CASQ2: variants seen among roughly 807,000 people sequenced by gnomAD.
CASQ2 encodes the protein calsequestrin 2.
Under a neutral mutation model 46.5 loss-of-function variants are expected in CASQ2, and 49 were observed. The ratio of observed to expected loss-of-function variants is 1.05; its 90% confidence interval spans 0.84 to 1.34. The LOEUF (loss-of-function observed/expected upper bound fraction) is 1.34. CASQ2 is among the 40% of genes most tolerant of loss of function. The pLI, the probability that CASQ2 is intolerant of heterozygous loss-of-function variation, is 0.00. For synonymous variants in CASQ2, 174 were observed against 168.5 expected (o/e 1.03, Z -0.25); for missense variants, 486 against 481.3 (o/e 1.01, Z -0.09).
intron 1 of CASQ2, among the ~76,000 whole-genome samples, chr1:115,756,635 C>T (rs758190589): frequency 3.9e-5 from 6 of 152,260 alleles, no homozygotes; most frequent in South Asian, 2.1e-4. Context: ...TGGTATCTCA[C>T]GTCCCCGTTT....
chr1:115,701,916 C>A (rs1182817403), intron 10 of CASQ2, among the ~76,000 whole-genome samples: 1 of 148,008 alleles, frequency 6.8e-6, no homozygotes, highest in Non-Finnish European at 1.5e-5. Flanking sequence ...CTAACTGGCC[C>A]CCATTCTTTT....
In CASQ2 at chr1:115,715,280, G is replaced by A. The variant is rs532835163; in HGVS notation, c.838+2560C>T. Among the ~76,000 whole-genome samples the A allele has an allele frequency of 5.9e-5, 9 of 152,316 alleles. No individual in the cohort carries two copies. The East Asian group carries it at 1.5e-3, about 26-fold the overall frequency. ...CCACACTAGCTTTTTCTTGAGAGGT[G>A]GAGACAAGGGCTAGATCATGTTGAA... On this transcript the variant is annotated intron_variant, in intron 8 of 10. Coordinates refer to ENST00000261448, the MANE Select transcript of CASQ2 (RefSeq NM_001232.4).
chr1:115,740,671 C>T, intron 3 of CASQ2, 57 bp downstream of exon 3: 1 of 1,093,780 alleles, frequency 9.1e-7, no homozygotes, highest in Non-Finnish European at 1.4e-6. Flanking sequence ...GGTTCTATCT[C>T]TCCCTATATT....
chr1:115,766,148 C>G (rs1649126472), intron 1 of CASQ2, among the ~76,000 whole-genome samples: 1 of 152,198 alleles, frequency 6.6e-6, no homozygotes, highest in African/African-American at 2.4e-5. Context: ...TGGTGTACAG[C>G]TGGCATCATC....
intron 1 of CASQ2, among the ~76,000 whole-genome samples, chr1:115,749,547 G>T (rs1648503601): frequency 6.6e-6 from 1 of 152,140 alleles, no homozygotes; most frequent in African/African-American, 2.4e-5. Context: ...GGCACCCTTA[G>T]GCAAAATCCC....
At chr1:115,756,656 A>T (rs1025857982) in intron 1 of CASQ2, among the ~76,000 whole-genome samples, 3 of 152,108 alleles carry the variant, frequency 2.0e-5, no homozygotes, top group Non-Finnish European at 2.9e-5. Flanking sequence ...TAAAATTTAT[A>T]ACTTTGGGGG....
intron 8 of CASQ2, among the ~76,000 whole-genome samples, chr1:115,706,155 TGTGTGTATGTGTGTGC>T (rs1462575574): frequency 2.0e-5 from 3 of 149,540 alleles, no homozygotes; most frequent in Non-Finnish European, 4.5e-5. Context: ...TGTGCGTGCG[TGTGTGTATGTGTGTGC>T]GTGCGTGTGT....
chr1:115,760,515 G>A lies in CASQ2; in HGVS notation c.234+7793C>T, dbSNP rs557851487. ...TGCAGCCTCAAACTCCTGGCCTAAA[G>A]CAATCCTCTAGTCTCAGCCTCCCAA... On this transcript the variant is annotated intron_variant, in intron 1 of 10. Transcript: ENST00000261448. Among the ~76,000 whole-genome samples, 67 of 152,310 alleles carry A rather than the reference G, an allele frequency of 4.4e-4. No homozygotes were observed. In the South Asian group the frequency reaches 0.013, roughly 30 times the overall value.
intron 1 of CASQ2, among the ~76,000 whole-genome samples, chr1:115,750,743 A>G (rs947812087): frequency 6.6e-6 from 1 of 152,210 alleles, no homozygotes; most frequent in Admixed American, 6.5e-5. Context: ...CCTGGGCTCA[A>G]TAATCCTCCC....
intron 1 of CASQ2, among the ~76,000 whole-genome samples, chr1:115,746,261 G>A (rs184196596): frequency 3.9e-5 from 6 of 151,980 alleles, no homozygotes; most frequent in Non-Finnish European, 8.8e-5. Context: ...CCCAGTGATT[G>A]GCTAGTATGA....
chr1:115,760,557 C>A (rs1230365166), intron 1 of CASQ2, among the ~76,000 whole-genome samples: 1 of 152,208 alleles, frequency 6.6e-6, no homozygotes, highest in Non-Finnish European at 1.5e-5. Context: ...GAGCTGCTCT[C>A]AGCCTTGGGG....
At chr1:115,753,144 G>T (rs943527560) in intron 1 of CASQ2, among the ~76,000 whole-genome samples, 1 of 152,192 alleles carries the variant, frequency 6.6e-6, no homozygotes, top group Non-Finnish European at 1.5e-5. Context: ...TCACAGTCAC[G>T]GCAGTCCAGC....
chr1:115,728,672 G>A (rs1052689962), intron 5 of CASQ2, among the ~76,000 whole-genome samples: 2 of 152,172 alleles, frequency 1.3e-5, no homozygotes, highest in Admixed American at 6.5e-5. Context: ...CTGCTGCCAG[G>A]TGTTTTAGGT....
At chr1:115,705,466 T>C (rs1654331151) in intron 8 of CASQ2, among the ~76,000 whole-genome samples, 174 bp from the exon 9 acceptor site, 1 of 152,182 alleles carries the variant, frequency 6.6e-6, no homozygotes, top group Non-Finnish European at 1.5e-5. Context: ...GAGCAGATTA[T>C]ACAAAGGAAA....
intron 1 of CASQ2, among the ~76,000 whole-genome samples, chr1:115,747,081 T>A (rs758376043): frequency 6.6e-6 from 1 of 152,174 alleles, no homozygotes; most frequent in Non-Finnish European, 1.5e-5. Context: ...AGATCCTGAA[T>A]TCTCTTATTT....
intron 8 of CASQ2, among the ~76,000 whole-genome samples, chr1:115,706,150 G>A (rs917545691): frequency 1.3e-4 from 20 of 149,524 alleles, no homozygotes; most frequent in Admixed American, 5.4e-4. Context: ...GTGTGTGTGC[G>A]TGCGTGTGTG....
chr1:115,725,946 G>C (rs1312444263), intron 6 of CASQ2, among the ~76,000 whole-genome samples: 1 of 152,178 alleles, frequency 6.6e-6, no homozygotes, highest in African/African-American at 2.4e-5. Flanking sequence ...GGAAATCTCG[G>C]ATTTTGTAGG....
At chr1:115,720,540 G>T (rs1208300924) in intron 7 of CASQ2, among the ~76,000 whole-genome samples, 3 of 152,168 alleles carry the variant, frequency 2.0e-5, no homozygotes, top group Non-Finnish European at 4.4e-5. Flanking sequence ...CAGGCTCCAT[G>T]AATTTATTCC....
intron 1 of CASQ2, among the ~76,000 whole-genome samples, chr1:115,764,010 A>G (rs149432382): frequency 6.4e-4 from 97 of 152,334 alleles, no homozygotes; most frequent in African/African-American, 2.2e-3. Context: ...TGGAAGCTGT[A>G]AGAGACAGCA....
Sources: gnomAD v4.1 joint callset for allele counts (sites outside exome capture counted in the v4.1 genomes callset) on GRCh38, gnomAD v4.1.1 for gene constraint, MANE v1.5 for transcripts, NCBI Gene and HGNC (gene_info 2026-07-23, HGNC 2026-07-21) for gene names.